Variants in ANK2 observed in about 807,000 individuals in gnomAD.
ANK2 encodes ankyrin-2.
A neutral mutation model predicts 360.5 loss-of-function variants in ANK2; 83 were observed. The ratio of observed to expected loss-of-function variants is 0.23; its 90% CI spans 0.19 to 0.28. The LOEUF is 0.28. Ranked by LOEUF, ANK2 falls within the 10% of genes least tolerant of loss-of-function variation. The probability of loss-of-function intolerance (pLI) is 1.00; values close to 1 mark genes in which losing one functional copy is unlikely to be tolerated. For synonymous variants in ANK2, 1,740 were observed against 1,759.5 expected (o/e 0.99, Z 0.28); for missense variants, 4,201 against 4,795.7 (o/e 0.88, Z 3.66).
rs150590382 is a variant in ANK2, at chr4:113,321,714, A to G, written c.2900+3094A>G. Reference sequence around the variant, plus strand: ...AATTAATTGGGTGGATTCTTAAGCCACTTCAAGTTCTACCCAAAATGTAAG... The same window carrying G: ...AATTAATTGGGTGGATTCTTAAGCCGCTTCAAGTTCTACCCAAAATGTAAG... On this transcript the variant is annotated intron_variant, in intron 26 of 45. Coordinates refer to ENST00000357077, the MANE Select transcript of ANK2 (RefSeq NM_001148.6). 1.7e-4 allele frequency among the ~76,000 whole-genome samples: 26 copies of G among 152,126 alleles called. No individual in the cohort carries two copies. In the East Asian group the frequency reaches 4.8e-3, roughly 28 times the overall value.
chr4:113,312,322 G>T (rs1176816380), intron 24 of ANK2, among the ~76,000 whole-genome samples: 1 of 151,820 alleles, frequency 6.6e-6, no homozygotes, highest in Non-Finnish European at 1.5e-5. Context: ...TCCACGTAGT[G>T]TAATGTGTTC....
chr4:112,924,929 C>T (rs2092321218), intron 2 of ANK2, among the ~76,000 whole-genome samples: 3 of 151,220 alleles, frequency 2.0e-5, no homozygotes, highest in Admixed American at 2.0e-4. Flanking sequence ...AGCTCCACCT[C>T]CCCGGTTCAC....
intron 1 of ANK2, among the ~76,000 whole-genome samples, chr4:112,831,967 A>T (rs902744450): frequency 6.6e-6 from 1 of 152,180 alleles, no homozygotes; most frequent in Admixed American, 6.5e-5. Context: ...ATCTGAAGGA[A>T]AAAACTCCAG....
At chr4:112,726,377 AT>A in the ANK2 span, among the ~76,000 whole-genome samples, 2 of 152,102 alleles carry the variant, frequency 1.3e-5, no homozygotes, top group African/African-American at 4.8e-5. Flanking sequence ...AAGGCAGATG[AT>A]TCTGTTGACT....
chr4:112,869,893 G>A (rs2072232038), intron 1 of ANK2, among the ~76,000 whole-genome samples: 1 of 152,076 alleles, frequency 6.6e-6, no homozygotes, highest in Admixed American at 6.6e-5. Context: ...ATGTTTGCGA[G>A]CTCATCTTGA....
intron 28 of ANK2, among the ~76,000 whole-genome samples, chr4:113,332,831 A>ATTATTTGGCTTAAGGTAAACCAAACC (rs1348398096): frequency 2.6e-5 from 4 of 152,220 alleles, no homozygotes. Flanking sequence ...ACAGGGAAAC[A>ATTATTTGGCTTAAGGTAAACCAAACC]TTATTTGGCT....
chr4:113,268,758 C>G (rs1296403306), intron 14 of ANK2, among the ~76,000 whole-genome samples: 2 of 152,068 alleles, frequency 1.3e-5, no homozygotes, highest in Non-Finnish European at 2.9e-5. Context: ...TGATTCTGGC[C>G]TCATAAAATG....
At chr4:113,349,257 A>C (rs1447916632) in intron 36 of ANK2, among the ~76,000 whole-genome samples, 1 of 151,392 alleles carries the variant, frequency 6.6e-6, no homozygotes, top group Non-Finnish European at 1.5e-5. Flanking sequence ...CAAATATTAT[A>C]ATAGAAATGA....
At chr4:113,034,465 G>GT (rs1160368280) in intron 2 of ANK2, 1 of 151,982 alleles carries the variant, frequency 6.6e-6, no homozygotes, top group Admixed American at 6.6e-5. Flanking sequence ...CCTGGGGGTG[G>GT]TTTTAACTTT....
In ANK2 at chr4:113,169,634, G is replaced by C. The variant is rs552862966; in HGVS notation, c.85-4782G>C. Reference sequence around the variant, plus strand: ...GTTCAGTGTCACTCTTTTAAGGCTAGTAGGGACTGCTGGTTGGGTCACCGT... The same window carrying C: ...GTTCAGTGTCACTCTTTTAAGGCTACTAGGGACTGCTGGTTGGGTCACCGT... On this transcript the variant is annotated intron_variant, in intron 1 of 45. Transcript: ENST00000357077. Among the ~76,000 whole-genome samples, 8 of 152,262 alleles carry C rather than the reference G, an allele frequency of 5.3e-5. No homozygotes were observed. The East Asian group carries it at 1.5e-3, about 29-fold the overall frequency.
At chr4:113,323,736 C>G (rs2153882572) in intron 26 of ANK2, 1 of 1,606,876 alleles carries the variant, frequency 6.2e-7, no homozygotes, top group South Asian at 1.1e-5. Context: ...CTTCTCTGTG[C>G]TAAAGTATCT....
At chr4:113,023,930 A>T (rs190023471) in intron 2 of ANK2, among the ~76,000 whole-genome samples, 35 of 152,302 alleles carry the variant, frequency 2.3e-4, no homozygotes, top group East Asian at 1.4e-3. Context: ...ACACATTCTT[A>T]TTGGGGACCC....
chr4:113,049,868 T>C (rs188114138), intron 1 of ANK2, 56 bp downstream of exon 1: 1 of 1,587,862 alleles, frequency 6.3e-7, no homozygotes, highest in East Asian at 2.3e-5. Flanking sequence ...TGTGCATGTG[T>C]GAGTGTGTAA....
chr4:113,352,216 T>G (rs893421413), intron 37 of ANK2, among the ~76,000 whole-genome samples: 10 of 152,226 alleles, frequency 6.6e-5, no homozygotes, highest in African/African-American at 2.2e-4. Flanking sequence ...CGTGTGACTG[T>G]CTCTGACTTG....
At chr4:113,092,379 T>C (rs1215747078) in intron 1 of ANK2, among the ~76,000 whole-genome samples, 1 of 152,184 alleles carries the variant, frequency 6.6e-6, no homozygotes, top group Non-Finnish European at 1.5e-5. Context: ...TAGAAGTCCT[T>C]GTTAATTAAA....
chr4:112,876,062 G>C (rs1461003164), intron 1 of ANK2, among the ~76,000 whole-genome samples: 1 of 151,602 alleles, frequency 6.6e-6, no homozygotes. Flanking sequence ...GTATATTTCG[G>C]ATTTTTTTTT....
intron 2 of ANK2, among the ~76,000 whole-genome samples, chr4:113,036,766 T>G (rs1159883838): frequency 6.6e-6 from 1 of 151,710 alleles, no homozygotes. Context: ...CGGACTGTCT[T>G]TGTTCTAGAT....
chr4:112,761,243 A>G, the ANK2 span, among the ~76,000 whole-genome samples: 2 of 152,170 alleles, frequency 1.3e-5, no homozygotes, highest in Non-Finnish European at 2.9e-5. Flanking sequence ...AAATATCTTG[A>G]ATTAGAAACT....
chr4:113,050,232 T>C (rs1347548742), intron 1 of ANK2, among the ~76,000 whole-genome samples: 2 of 152,178 alleles, frequency 1.3e-5, no homozygotes, highest in Non-Finnish European at 2.9e-5. Flanking sequence ...GATCCTGAGA[T>C]GGCTAGACAG....
Sources: allele counts gnomAD v4.1 joint callset (sites outside exome capture counted in the v4.1 genomes callset), GRCh38; gene constraint gnomAD v4.1.1; transcripts MANE v1.5; gene names NCBI Gene and HGNC (gene_info 2026-07-23, HGNC 2026-07-21).